Variants in RAB31 observed in about 807,000 individuals in gnomAD.
RAB31 encodes the protein RAB31, member RAS oncogene family.
A neutral mutation model predicts 25.6 loss-of-function variants in RAB31; 21 were observed. The ratio of observed to expected loss-of-function variants is 0.82; its 90% CI spans 0.58 to 1.18. RAB31 has a LOEUF of 1.18. Ranked by LOEUF, RAB31 falls within the 50% of genes most tolerant of loss-of-function variation. The pLI is 0.00. For missense variants in RAB31, 196 were observed against 250.1 expected (o/e 0.78, Z 1.46); for synonymous variants, 87 against 84.0 (o/e 1.04, Z -0.20).
At chr18:9,729,018 G>A (rs1190455463) in intron 1 of RAB31, among the ~76,000 whole-genome samples, 1 of 151,898 alleles carries the variant, frequency 6.6e-6, no homozygotes, top group Admixed American at 6.6e-5. Flanking sequence ...GGTTGTTTTT[G>A]TTACTGATTT....
At chr18:9,847,894 C>T (rs1192233501) in intron 6 of RAB31, among the ~76,000 whole-genome samples, 1 of 152,104 alleles carries the variant, frequency 6.6e-6, no homozygotes, top group East Asian at 1.9e-4. Flanking sequence ...ACTTAAAAGA[C>T]ATTTATCCAG....
chr18:9,826,382 C>G (rs1362128061), intron 5 of RAB31, among the ~76,000 whole-genome samples: 1 of 148,636 alleles, frequency 6.7e-6, no homozygotes, highest in Non-Finnish European at 1.5e-5. Context: ...TCTCAAAATA[C>G]AAACAAACAA....
intron 5 of RAB31, among the ~76,000 whole-genome samples, chr18:9,833,981 A>C (rs2068692078): frequency 1.3e-5 from 2 of 152,328 alleles, no homozygotes; most frequent in East Asian, 3.9e-4. Flanking sequence ...GACAGATGGG[A>C]TACTGATAGA....
chr18:9,813,125 C>A (rs555975890), intron 3 of RAB31, among the ~76,000 whole-genome samples: 23 of 152,316 alleles, frequency 1.5e-4, no homozygotes, highest in African/African-American at 5.5e-4. Flanking sequence ...ATGCTAGTGA[C>A]CAGCAGCACT....
chr18:9,762,919 C>G (rs905238293), intron 1 of RAB31, among the ~76,000 whole-genome samples: 11 of 152,036 alleles, frequency 7.2e-5, no homozygotes, highest in Non-Finnish European at 1.5e-4. Context: ...CCTTTGCCAC[C>G]AGCAGGGTAG....
chr18:9,849,922 C>T (rs1261512008), intron 6 of RAB31, among the ~76,000 whole-genome samples: 2 of 152,122 alleles, frequency 1.3e-5, no homozygotes, highest in Non-Finnish European at 2.9e-5. Flanking sequence ...TTGGAAGCCC[C>T]TCAAGCTTTT....
intron 1 of RAB31, among the ~76,000 whole-genome samples, chr18:9,752,376 C>T (rs2068239467): frequency 6.6e-6 from 1 of 152,166 alleles, no homozygotes. Context: ...AGGTGCCTGC[C>T]ACCACGCCCG....
At chr18:9,798,698 A>C (rs1457611855) in intron 3 of RAB31, among the ~76,000 whole-genome samples, 1 of 151,916 alleles carries the variant, frequency 6.6e-6, no homozygotes, top group Non-Finnish European at 1.5e-5. Context: ...AGCTCACTGC[A>C]ACCTCAAACT....
At chr18:9,813,275 T>G (rs1039942955) in intron 3 of RAB31, among the ~76,000 whole-genome samples, 2 of 152,186 alleles carry the variant, frequency 1.3e-5, no homozygotes, top group African/African-American at 4.8e-5. Context: ...CCTTGCTGAC[T>G]GGTCCTCATT....
At chr18:9,820,381 T>C (rs1293316755) in intron 5 of RAB31, among the ~76,000 whole-genome samples, 1 of 152,244 alleles carries the variant, frequency 6.6e-6, no homozygotes, top group East Asian at 1.9e-4. Flanking sequence ...ATCCTTTTTA[T>C]ACATTGCTGG....
At chr18:9,842,414 A>G (rs2068739154) in intron 5 of RAB31, among the ~76,000 whole-genome samples, 1 of 152,128 alleles carries the variant, frequency 6.6e-6, no homozygotes. Context: ...ATACCAGAAG[A>G]CACTCCTATC....
intron 1 of RAB31, among the ~76,000 whole-genome samples, chr18:9,744,122 A>G (rs1391586886): frequency 6.6e-6 from 1 of 152,118 alleles, no homozygotes; most frequent in Non-Finnish European, 1.5e-5. Context: ...TTTCCATGTC[A>G]TAGTAGGAGG....
intron 2 of RAB31, among the ~76,000 whole-genome samples, chr18:9,782,606 C>T (rs2068410806): frequency 6.6e-6 from 1 of 152,110 alleles, no homozygotes; most frequent in Non-Finnish European, 1.5e-5. Context: ...TTTTGGTTTC[C>T]ACAGATAATG....
rs1568164875 is a variant in RAB31, at chr18:9,733,704, AT to A, written c.39+25261del. ...ACGGCCTTGGTTCCCTGCTCTGTTG[AT>A]GAGGTTCTTGGGCTCAGACACCACC... On this transcript the variant is annotated intron_variant, in intron 1 of 6. Transcript: ENST00000578921. Among the ~76,000 whole-genome samples the A allele has an allele frequency of 5.3e-5, 8 of 152,052 alleles. 1 individual carries two copies. The South Asian group carries it at 1.7e-3, about 32-fold the overall frequency.
chr18:9,766,905 C>G lies in RAB31; in HGVS notation c.40-8373C>G, dbSNP rs1364902286. ...CTGGAAGGAGTAGGTTGCAGTGAGCCGATGTTGTGCCACTGTAATCCAGCC... is the reference window on the plus strand; with the variant it reads ...CTGGAAGGAGTAGGTTGCAGTGAGCGGATGTTGTGCCACTGTAATCCAGCC... On this transcript the variant is annotated intron_variant, in intron 1 of 6. Coordinates refer to ENST00000578921, the MANE Select transcript of RAB31 (RefSeq NM_006868.4). This position sits in a 1 kb window ranked among gnomAD's most constrained non-coding sequence, Gnocchi z 4.3. Among the ~76,000 whole-genome samples, 6 of 152,030 alleles carry G rather than the reference C, an allele frequency of 3.9e-5. No homozygotes were observed. Among genetic ancestry groups the G allele is most frequent in the African/African-American group, 1.4e-4 (6 of 41,380 alleles).
intron 1 of RAB31, among the ~76,000 whole-genome samples, chr18:9,747,992 G>C (rs996168052): frequency 8.5e-5 from 13 of 152,096 alleles, no homozygotes; most frequent in Admixed American, 8.5e-4. Context: ...TACGGTCAAC[G>C]GCATCCACAC....
At chr18:9,732,111 C>T (rs1457666848) in intron 1 of RAB31, among the ~76,000 whole-genome samples, 1 of 152,200 alleles carries the variant, frequency 6.6e-6, no homozygotes, top group Non-Finnish European at 1.5e-5. Flanking sequence ...TCAGCTCTGC[C>T]ACTCCTCTCC....
rs371914253 is a variant in RAB31, at chr18:9,761,210, G to A, written c.40-14068G>A. ...CTTACAGCCCAGAGAGTAGACTCCT[G>A]TAGGAATATTGGAATATTCAGAATC... On this transcript the variant is annotated intron_variant, in intron 1 of 6. Transcript: ENST00000578921. Among the ~76,000 whole-genome samples the A allele has an allele frequency of 8.3e-4, 126 of 152,246 alleles. 1 individual carries two copies. In the Middle Eastern group the frequency reaches 0.01, roughly 12 times the overall value.
chr18:9,726,930 G>A (rs1307561330), intron 1 of RAB31, among the ~76,000 whole-genome samples: 1 of 152,076 alleles, frequency 6.6e-6, no homozygotes, highest in Non-Finnish European at 1.5e-5. Flanking sequence ...TAAAAAAAAA[G>A]TAACTAGTTG....
Sources: allele counts gnomAD v4.1 joint callset (sites outside exome capture counted in the v4.1 genomes callset), GRCh38; gene constraint gnomAD v4.1.1; non-coding constraint Gnocchi (gnomAD v3.1); transcripts MANE v1.5; gene names NCBI Gene and HGNC (gene_info 2026-07-23, HGNC 2026-07-21).